The following NEXN variants were observed in gnomAD, a reference collection of about 807,000 sequenced individuals.
NEXN encodes the protein nexilin.
Under a neutral mutation model 92.6 loss-of-function variants are expected in NEXN, and 65 were observed. That is an observed-to-expected ratio of 0.70 (90% CI 0.57 to 0.86). The LOEUF (loss-of-function observed/expected upper bound fraction) is 0.86, where lower values mean the gene tolerates loss of function less well. NEXN is among the 40% of genes least tolerant of loss of function. NEXN has a pLI of 0.00. For missense variants in NEXN, 778 were observed against 771.1 expected (o/e 1.01, Z -0.11); for synonymous variants, 254 against 242.5 (o/e 1.05, Z -0.44).
rs1647030868 is a variant in NEXN, at chr1:77,888,767, G to C, written c.-53+8G>C. 1 of 153,446 alleles carries C rather than the reference G, an allele frequency of 6.5e-6. No individual in the cohort carries two copies. The highest frequency in any genetic ancestry group is 6.5e-5 in the Admixed American group (1 of 15,282). 9.5% of individuals were successfully genotyped at this position (153,446 alleles called of 1,614,324 possible). ...GTCACCGGCTCCTGCAGGGTGAGAA[G>C]AGTTGGGGGAACGTGGGCTGGGGGG... On this transcript the variant is annotated splice_region_variant and intron_variant, in intron 1 of 12. Coordinates refer to ENST00000334785, the MANE Select transcript of NEXN (RefSeq NM_144573.4).
At chr1:77,909,946 T>C (rs536874858) in intron 1 of NEXN, among the ~76,000 whole-genome samples, 1 of 152,176 alleles carries the variant, frequency 6.6e-6, no homozygotes, top group East Asian at 1.9e-4. Flanking sequence ...GATACAAAAC[T>C]TAACAAAATT....
chr1:77,910,792 G>T (rs1212529661), intron 1 of NEXN, among the ~76,000 whole-genome samples: 2 of 150,390 alleles, frequency 1.3e-5, no homozygotes, highest in East Asian at 3.9e-4. Context: ...ATTTTAGCAG[G>T]GTTGCAAGAT....
chr1:77,921,016 T>G (rs999192624), intron 5 of NEXN, among the ~76,000 whole-genome samples: 3 of 152,188 alleles, frequency 2.0e-5, no homozygotes, highest in Non-Finnish European at 4.4e-5. Context: ...TTTCCTAGTT[T>G]GTTGGAAAAA....
intron 11 of NEXN, among the ~76,000 whole-genome samples, chr1:77,941,523 C>T (rs561949042): frequency 2.5e-4 from 38 of 152,110 alleles, no homozygotes; most frequent in African/African-American, 8.4e-4. Flanking sequence ...TGTTTTTCTA[C>T]TTGTAAACAC....
chr1:77,906,302 C>T (rs1411357365), intron 1 of NEXN, among the ~76,000 whole-genome samples: 1 of 152,104 alleles, frequency 6.6e-6, no homozygotes, highest in Non-Finnish European at 1.5e-5. Flanking sequence ...AACTGAAGTT[C>T]ACAGAAGTTA....
At chr1:77,898,456 A>G (rs530073238) in intron 1 of NEXN, among the ~76,000 whole-genome samples, 1 of 152,348 alleles carries the variant, frequency 6.6e-6, no homozygotes, top group South Asian at 2.1e-4. Flanking sequence ...CTGGCTAGCC[A>G]TATGTAGAAA....
chr1:77,920,405 G>A (rs1649327502), intron 5 of NEXN, among the ~76,000 whole-genome samples: 2 of 151,920 alleles, frequency 1.3e-5, no homozygotes, highest in African/African-American at 2.4e-5. Context: ...TGAGTCAGAG[G>A]GTAGCTGAAT....
intron 1 of NEXN, among the ~76,000 whole-genome samples, chr1:77,904,296 T>G (rs1647938728): frequency 6.6e-6 from 1 of 152,124 alleles, no homozygotes. Flanking sequence ...CCTGGTGATA[T>G]TTGGAATTTT....
In NEXN at chr1:77,917,732, G is replaced by C; in HGVS notation, c.194G>C (p.Arg65Thr). 6.2e-7 allele frequency: 1 copy of C among 1,610,372 alleles called. No individual in the cohort carries two copies. The highest frequency in any genetic ancestry group is 2.2e-5 in the East Asian group (1 of 44,760). Residue 65 changes from arginine (R) to threonine (T), a missense_variant, in exon 3 of 13, where the codon AGA (arginine) becomes ACA (threonine). Around this residue, in one of 3 missense-constraint regions of NEXN, gnomAD observed 236 missense variants for 265.6 expected, o/e 0.89. Transcript: ENST00000334785. Reference sequence around the variant, plus strand: ...AGAAAAGAACAATATATTAGAGAGAGAGAATGGAACAGGAGAAAGCAGGAG... The same window carrying C: ...AGAAAAGAACAATATATTAGAGAGACAGAATGGAACAGGAGAAAGCAGGAG... ...QRRKEQYIRE[R>T]EWNRRKQEIK... is the part of the protein sequence containing the mutation.
At chr1:77,916,652 A>C (rs1268169587) in intron 2 of NEXN, among the ~76,000 whole-genome samples, 1 of 152,170 alleles carries the variant, frequency 6.6e-6, no homozygotes, top group Non-Finnish European at 1.5e-5. Context: ...AATGACACAT[A>C]ATAGATTATA....
chr1:77,927,320 T>C (rs1360902781), intron 8 of NEXN, among the ~76,000 whole-genome samples: 2 of 152,228 alleles, frequency 1.3e-5, no homozygotes, highest in Non-Finnish European at 1.5e-5. Context: ...TGGGGCATTT[T>C]ACCCAATATG....
chr1:77,896,424 C>CA (rs1647259055), intron 1 of NEXN, among the ~76,000 whole-genome samples: 2 of 152,056 alleles, frequency 1.3e-5, no homozygotes, highest in Admixed American at 1.3e-4. Flanking sequence ...TCTACCCCTC[C>CA]AAATCAAATT....
chr1:77,899,094 G>A (rs1408499668), intron 1 of NEXN, among the ~76,000 whole-genome samples: 1 of 152,336 alleles, frequency 6.6e-6, no homozygotes, highest in Non-Finnish European at 1.5e-5. Context: ...GTGGAAGTCA[G>A]TGTGGTGATT....
intron 11 of NEXN, among the ~76,000 whole-genome samples, chr1:77,940,026 A>C (rs553935009): frequency 2.6e-5 from 4 of 152,190 alleles, no homozygotes; most frequent in Non-Finnish European, 4.4e-5. Flanking sequence ...GTGAGCCGAG[A>C]TCACGCCACT....
chr1:77,934,963 CTATT>C (rs1650630374), intron 10 of NEXN, among the ~76,000 whole-genome samples: 1 of 152,192 alleles, frequency 6.6e-6, no homozygotes, highest in African/African-American at 2.4e-5. Flanking sequence ...TACTGTGGCT[CTATT>C]TAGAGATGAA....
At chr1:77,928,893 C>T (rs1441273209) in intron 8 of NEXN, among the ~76,000 whole-genome samples, 1 of 152,162 alleles carries the variant, frequency 6.6e-6, no homozygotes, top group Admixed American at 6.5e-5. Flanking sequence ...ACTACAGGCA[C>T]ACACCACCAC....
At position 77,917,996 on chromosome 1, in the gene NEXN, G is replaced by A. The variant is rs1278719337; in HGVS notation, c.256G>A (p.Val86Ile). The A allele has an allele frequency of 6.2e-7, 1 of 1,613,452 alleles. No homozygotes were observed. Among genetic ancestry groups the A allele is most frequent in the African/African-American group, 1.3e-5 (1 of 75,040 alleles). The change falls in exon 4 of 13, where the codon GTA becomes ATA. Residue 86 changes from valine to isoleucine, a missense_variant. Coordinates refer to ENST00000334785, the MANE Select transcript of NEXN (RefSeq NM_144573.4). ...EMLASDDEED[V>I]SSKVEKAYVP... ...GCTTGCTTCTGATGATGAGGAAGAT[G>A]TATCTTCTAAAGTAGAAAAGGCTTA...
At chr1:77,922,950 T>C (rs1649550035) in intron 5 of NEXN, among the ~76,000 whole-genome samples, 1 of 151,762 alleles carries the variant, frequency 6.6e-6, no homozygotes, top group Non-Finnish European at 1.5e-5. Flanking sequence ...TAAAATAGAT[T>C]TATTTTTAAC....
chr1:77,934,876 AATT>A (rs762396871), intron 10 of NEXN, among the ~76,000 whole-genome samples: 1 of 152,208 alleles, frequency 6.6e-6, no homozygotes, highest in Non-Finnish European at 1.5e-5. Context: ...AGAAATACTT[AATT>A]ATTAACTTGA....
Sources: allele counts gnomAD v4.1 joint callset (sites outside exome capture counted in the v4.1 genomes callset), GRCh38; gene constraint gnomAD v4.1.1; regional missense constraint gnomAD v4.1.1; transcripts MANE v1.5; gene names NCBI Gene and HGNC (gene_info 2026-07-23, HGNC 2026-07-21).